MCTP1: variants seen among roughly 807,000 people sequenced by gnomAD.
MCTP1 encodes the protein multiple C2 and transmembrane domain containing 1.
MCTP1 carries 69 observed loss-of-function variants against 120.6 expected under a neutral mutation model. That is an observed-to-expected ratio of 0.57 (90% CI 0.47 to 0.70). The LOEUF (loss-of-function observed/expected upper bound fraction) is 0.70. MCTP1 is among the 30% of genes least tolerant of loss of function. MCTP1 has a pLI of 0.00. For synonymous variants in MCTP1, 529 were observed against 493.1 expected (o/e 1.07, Z -0.96); for missense variants, 1,203 against 1,248.8 (o/e 0.96, Z 0.55).
intron 1 of MCTP1, among the ~76,000 whole-genome samples, chr5:95,221,111 A>T (rs1289205393): frequency 6.6e-6 from 1 of 152,246 alleles, no homozygotes; most frequent in Non-Finnish European, 1.5e-5. Context: ...ACAGGTAAAA[A>T]ACATGCCAGC....
intron 10 of MCTP1, among the ~76,000 whole-genome samples, chr5:94,905,406 A>C (rs1217641092): frequency 6.6e-6 from 1 of 152,144 alleles, no homozygotes; most frequent in Non-Finnish European, 1.5e-5. Flanking sequence ...TAAAAATATT[A>C]CTCTGGCTGC....
intron 1 of MCTP1, among the ~76,000 whole-genome samples, chr5:95,204,742 C>T (rs141479999): frequency 5.6e-4 from 85 of 151,218 alleles, no homozygotes; most frequent in African/African-American, 1.6e-3. Context: ...TTAAAACAAA[C>T]GAAAAAAATA....
intron 1 of MCTP1, among the ~76,000 whole-genome samples, chr5:95,077,575 C>G (rs1008697333): frequency 2.0e-5 from 3 of 152,050 alleles, no homozygotes; most frequent in African/African-American, 4.8e-5. Context: ...TGGGTTCACG[C>G]CATTCTCCTG....
At chr5:95,141,610 C>G (rs1759936805) in intron 1 of MCTP1, among the ~76,000 whole-genome samples, 1 of 152,096 alleles carries the variant, frequency 6.6e-6, no homozygotes, top group Admixed American at 6.5e-5. Context: ...CTTCATGTCC[C>G]TGGATCTGAT....
At position 94,866,515 on chromosome 5, in the gene MCTP1, C is replaced by A. The variant is rs970582295; in HGVS notation, c.2436+1818G>T. 3.3e-5 allele frequency among the ~76,000 whole-genome samples: 5 copies of A among 150,578 alleles called. No homozygotes were observed. The East Asian group carries it at 9.8e-4, about 29-fold the overall frequency. On this transcript the variant is annotated intron_variant, in intron 17 of 22. Transcript: ENST00000515393. ...TTTTTCACCATCCGTGTCAGCAGGC[C>A]CCTTCCCACCTTTACTATGCCTGAT...
chr5:95,111,796 A>T (rs1434953668), intron 1 of MCTP1, among the ~76,000 whole-genome samples: 3 of 152,170 alleles, frequency 2.0e-5, no homozygotes, highest in Non-Finnish European at 4.4e-5. Context: ...TTAATTTTTC[A>T]TCAGTTTTGT....
At chr5:94,894,379 A>G (rs1375443642) in intron 11 of MCTP1, among the ~76,000 whole-genome samples, 1 of 152,252 alleles carries the variant, frequency 6.6e-6, no homozygotes, top group Non-Finnish European at 1.5e-5. Context: ...TATGGGTAGC[A>G]TCCCTGCATG....
chr5:94,741,382 A>G (rs1339012882), intron 19 of MCTP1, among the ~76,000 whole-genome samples: 1 of 152,206 alleles, frequency 6.6e-6, no homozygotes, highest in Non-Finnish European at 1.5e-5. Flanking sequence ...AGACTAAACA[A>G]TGAGAGAAAA....
chr5:95,206,744 G>T (rs770202786), intron 1 of MCTP1, among the ~76,000 whole-genome samples: 4 of 152,186 alleles, frequency 2.6e-5, no homozygotes, highest in Non-Finnish European at 5.9e-5. Flanking sequence ...CACCATGTTG[G>T]CCAGGATGGT....
At chr5:95,034,161 T>C (rs1209068455) in intron 1 of MCTP1, among the ~76,000 whole-genome samples, 2 of 151,906 alleles carry the variant, frequency 1.3e-5, no homozygotes, top group African/African-American at 2.4e-5. Context: ...AAGCAATCTA[T>C]AGATTCATCA....
intron 17 of MCTP1, among the ~76,000 whole-genome samples, chr5:94,814,391 C>G (rs1258907922): frequency 6.6e-6 from 1 of 152,150 alleles, no homozygotes; most frequent in East Asian, 1.9e-4. Flanking sequence ...GTCGATGACA[C>G]TATCCACATG....
chr5:95,129,518 A>G (rs532462331), intron 1 of MCTP1, among the ~76,000 whole-genome samples: 6 of 152,314 alleles, frequency 3.9e-5, no homozygotes, highest in African/African-American at 1.2e-4. Flanking sequence ...CAGATGGTAA[A>G]ACATTACTTC....
intron 2 of MCTP1, among the ~76,000 whole-genome samples, chr5:95,011,570 C>T (rs901508691): frequency 6.6e-6 from 1 of 151,998 alleles, no homozygotes; most frequent in Non-Finnish European, 1.5e-5. Context: ...AGTGAATTCT[C>T]ACCAGATCTG....
intron 1 of MCTP1, among the ~76,000 whole-genome samples, chr5:95,106,673 A>G (rs1199812036): frequency 6.6e-6 from 1 of 152,212 alleles, no homozygotes; most frequent in Non-Finnish European, 1.5e-5. Flanking sequence ...CAGGCACTGC[A>G]CTAGGTTCTG....
At chr5:94,884,594 G>C (rs897013709) in intron 12 of MCTP1, among the ~76,000 whole-genome samples, 2 of 139,988 alleles carry the variant, frequency 1.4e-5, no homozygotes, top group African/African-American at 5.4e-5. Flanking sequence ...TCTGATCGCC[G>C]GTCTGTGACA....
At chr5:94,744,720 A>C (rs1766467982) in intron 19 of MCTP1, among the ~76,000 whole-genome samples, 1 of 152,142 alleles carries the variant, frequency 6.6e-6, no homozygotes. Context: ...CATGTTGGTC[A>C]GGCTGATCTC....
chr5:95,201,500 T>G (rs1751041905), intron 1 of MCTP1, among the ~76,000 whole-genome samples: 2 of 43,738 alleles, frequency 4.6e-5, no homozygotes, highest in African/African-American at 8.0e-5. Flanking sequence ...TTTTTTTTTT[T>G]TTTTTTTTTT....
intron 1 of MCTP1, among the ~76,000 whole-genome samples, chr5:95,083,829 C>G (rs1157933392): frequency 6.6e-6 from 1 of 152,086 alleles, no homozygotes; most frequent in South Asian, 2.1e-4. Context: ...GTAGTCAAAA[C>G]AGGAAACCAT....
chr5:95,204,032 G>C (rs1751356958), intron 1 of MCTP1, among the ~76,000 whole-genome samples: 1 of 152,072 alleles, frequency 6.6e-6, no homozygotes, highest in African/African-American at 2.4e-5. Flanking sequence ...AATTCACTGA[G>C]TTTTTGTGCT....
Sources: gnomAD v4.1 joint callset for allele counts (sites outside exome capture counted in the v4.1 genomes callset) on GRCh38, gnomAD v4.1.1 for gene constraint, MANE v1.5 for transcripts, NCBI Gene and HGNC (gene_info 2026-07-23, HGNC 2026-07-21) for gene names.